The following GRAMD4 variants were observed in gnomAD, a reference collection of about 807,000 sequenced individuals.
GRAMD4 encodes GRAM domain-containing protein 4.
Under a neutral mutation model 83.9 loss-of-function variants are expected in GRAMD4, and 25 were observed. That is an observed-to-expected ratio of 0.30 (90% CI 0.22 to 0.42). GRAMD4 has a LOEUF of 0.42. Ranked by LOEUF, GRAMD4 falls within the 10% of genes least tolerant of loss-of-function variation. GRAMD4 has a pLI of 1.00. For missense variants in GRAMD4, 593 were observed against 788.7 expected, an observed-to-expected ratio of 0.75 and a Z score of 2.97; for synonymous variants, 336 against 320.9, an observed-to-expected ratio of 1.05 and a Z score of -0.50.
intron 1 of GRAMD4, among the ~76,000 whole-genome samples, chr22:46,594,170 C>T (rs1214052152): frequency 6.6e-6 from 1 of 151,644 alleles, no homozygotes; most frequent in African/African-American, 2.4e-5. Context: ...TCCCCAGCTG[C>T]CCCACGCCCG....
intron 1 of GRAMD4, among the ~76,000 whole-genome samples, chr22:46,625,300 CCTCA>C (rs1397279004): frequency 1.3e-5 from 2 of 152,204 alleles, no homozygotes; most frequent in African/African-American, 4.8e-5. Flanking sequence ...TGTCTTCGGT[CCTCA>C]CTGTTAATGA....
At chr22:46,673,159 T>A (rs1322863779) in intron 14 of GRAMD4, among the ~76,000 whole-genome samples, 162 bp downstream of exon 14, 1 of 151,992 alleles carries the variant, frequency 6.6e-6, no homozygotes, top group Non-Finnish European at 1.5e-5. Context: ...CTGTTACCAC[T>A]GCGGTTTCTG....
upstream of GRAMD4, among the ~76,000 whole-genome samples, chr22:46,617,055 C>A (rs1601568207): frequency 8.7e-6 from 1 of 114,612 alleles, no homozygotes. Flanking sequence ...TGTGGGTTCC[C>A]CCGTGTGTAG....
In GRAMD4 at chr22:46,665,670, C is replaced by G. The variant is rs1174443685; in HGVS notation, c.773C>G (p.Ala258Gly). The change falls in exon 9 of 19, where the codon GCA becomes GGA. Residue 258 changes from alanine to glycine, a missense_variant. Transcript: ENST00000406902. ...GCCATCCCATTGTTCTTATTTCTAG[C>G]AATTCTGAGGTTATCCCTCAATTAC... Reference protein sequence around the residue: ...GWAIPLFLFLAILRLSLNYLI... With the variant: ...GWAIPLFLFLGILRLSLNYLI... The G allele has an allele frequency of 6.2e-7, 1 of 1,605,498 alleles. No individual in the cohort carries two copies. The highest frequency in any genetic ancestry group is 2.2e-5 in the East Asian group (1 of 44,824).
At chr22:46,616,127 G>C (rs2081487326), upstream of GRAMD4, among the ~76,000 whole-genome samples, 2 of 140,536 alleles carry the variant, frequency 1.4e-5, no homozygotes, top group South Asian at 2.4e-4. Context: ...TGTGCGTGCA[G>C]GTTCCCCTGT....
intron 3 of GRAMD4, among the ~76,000 whole-genome samples, chr22:46,656,753 G>A (rs1015590635): frequency 6.6e-6 from 1 of 152,256 alleles, no homozygotes; most frequent in South Asian, 2.1e-4. Flanking sequence ...CATCAGCCAC[G>A]TTCCTTTGTC....
intron 3 of GRAMD4, among the ~76,000 whole-genome samples, chr22:46,639,043 C>T (rs374323254): frequency 6.6e-6 from 1 of 152,186 alleles, no homozygotes; most frequent in African/African-American, 2.4e-5. Context: ...CAGGCCAGAG[C>T]GTGATAGTGA....
intron 15 of GRAMD4, 32 bp downstream of exon 15, chr22:46,673,846 A>G: frequency 6.2e-7 from 1 of 1,610,454 alleles, no homozygotes; most frequent in Non-Finnish European, 8.5e-7. Context: ...GGCCAGGCCG[A>G]GCGCCGACAC....
At chr22:46,625,775 C>T (rs2081648631) in intron 1 of GRAMD4, among the ~76,000 whole-genome samples, 1 of 152,248 alleles carries the variant, frequency 6.6e-6, no homozygotes, top group Non-Finnish European at 1.5e-5. Flanking sequence ...GCCACTGATC[C>T]TGGCCTCCAG....
rs922535045 is a variant in GRAMD4, at chr22:46,666,953, G to A, written c.858+80G>A. On this transcript the variant is annotated intron_variant, in intron 10 of 18. Transcript: ENST00000406902. Reference sequence around the variant, plus strand: ...TCACAGCCTGTAGGCACCGCTCGGGGAAGCCTCTGGATGAGGCCATGTGGT... The same window carrying A: ...TCACAGCCTGTAGGCACCGCTCGGGAAAGCCTCTGGATGAGGCCATGTGGT... The A allele has an allele frequency of 1.1e-5, 11 of 1,043,848 alleles. No individual in the cohort carries two copies. In the African/African-American group the frequency reaches 1.7e-4, roughly 16 times the overall value. The allele number at this position is 1,043,848 out of a possible 1,614,324, so 64.7% of individuals were successfully genotyped here.
intron 1 of GRAMD4, among the ~76,000 whole-genome samples, chr22:46,610,849 A>C (rs1387261803): frequency 6.6e-6 from 1 of 152,194 alleles, no homozygotes; most frequent in Non-Finnish European, 1.5e-5. Context: ...TTGCTTCTAC[A>C]ACACAGTAGT....
chr22:46,576,146 G>A (rs1388340295), upstream of GRAMD4: 2 of 138,894 alleles, frequency 1.4e-5, no homozygotes, highest in African/African-American at 3.6e-5. Context: ...AGAGCACAGG[G>A]GACCCAGTCT....
intron 13 of GRAMD4, among the ~76,000 whole-genome samples, chr22:46,670,440 G>GTA (rs2082484629): frequency 6.6e-6 from 1 of 152,200 alleles, no homozygotes; most frequent in Non-Finnish European, 1.5e-5. Context: ...GCTCATGAAT[G>GTA]GGTAGGTGAC....
rs1601697459 is a variant in GRAMD4, at chr22:46,678,635, T to G, written c.*1384T>G. ...CCCTTGGGTGTCGTTGAGATTGTTG[T>G]TTTTTGAAGAAACAGAAGATTCTAT... On this transcript the variant is annotated 3_prime_UTR_variant, in exon 19 of 19. Coordinates refer to ENST00000406902, the MANE Select transcript of GRAMD4 (RefSeq NM_015124.5). 1.0e-6 allele frequency: 1 copy of G among 985,538 alleles called. No individual in the cohort carries two copies. Among genetic ancestry groups the G allele is most frequent in the East Asian group, 1.1e-4 (1 of 8,816 alleles). The allele number at this position is 985,538 out of a possible 1,614,324, so 61.0% of individuals were successfully genotyped here.
At chr22:46,615,746 G>A (rs1211413636), upstream of GRAMD4, among the ~76,000 whole-genome samples, 1 of 23,714 alleles carries the variant, frequency 4.2e-5, no homozygotes, top group Non-Finnish European at 8.2e-5. Flanking sequence ...AGGTTCCCCT[G>A]TGCGTGTAGG....
intron 13 of GRAMD4, among the ~76,000 whole-genome samples, chr22:46,670,346 C>A (rs2082483163): frequency 6.6e-6 from 1 of 152,236 alleles, no homozygotes; most frequent in South Asian, 2.1e-4. Flanking sequence ...GGTGGCATCA[C>A]CAGGAGTGGG....
chr22:46,615,031 G>A (rs576185425), intron 1 of GRAMD4, among the ~76,000 whole-genome samples: 10 of 81,242 alleles, frequency 1.2e-4, no homozygotes, highest in Non-Finnish European at 1.6e-4. Flanking sequence ...GGGTTCCCCC[G>A]TGTGTAGGTT....
chr22:46,577,396 CCCGCCG>C (rs56801793), intron 1 of GRAMD4: 52 of 297,736 alleles, frequency 1.7e-4, no homozygotes, highest in Non-Finnish European at 2.1e-4. Context: ...CCGCGCTCTC[CCCGCCG>C]CCGCCGCCGC....
chr22:46,589,467 G>C (rs1602298805), intron 1 of GRAMD4, among the ~76,000 whole-genome samples: 1 of 149,312 alleles, frequency 6.7e-6, no homozygotes, highest in South Asian at 2.2e-4. Flanking sequence ...CTGTTTGGGG[G>C]GATGGGGAGG....
Sources: gnomAD v4.1 joint callset for allele counts (sites outside exome capture counted in the v4.1 genomes callset) on GRCh38, gnomAD v4.1.1 for gene constraint, MANE v1.5 for transcripts, NCBI Gene and HGNC (gene_info 2026-07-23, HGNC 2026-07-21) for gene names.